Variants in CA10 observed in about 807,000 individuals in gnomAD.
The protein encoded by CA10 is carbonic anhydrase 10 (inactive), also known as carbonic anhydrase-related protein 10.
In CA10, 14 loss-of-function variants were observed where a neutral mutation model predicts 44.2. The ratio of observed to expected loss-of-function variants is 0.32; its 90% CI spans 0.21 to 0.50. The LOEUF (loss-of-function observed/expected upper bound fraction) is 0.50. Ranked by LOEUF, CA10 falls within the 20% of genes least tolerant of loss-of-function variation. The probability of loss-of-function intolerance (pLI) is 0.99; values close to 1 mark genes in which losing one functional copy is unlikely to be tolerated. For missense variants in CA10, 350 were observed against 409.7 expected, an observed-to-expected ratio of 0.85 and a Z score of 1.26; for synonymous variants, 159 against 141.6, an observed-to-expected ratio of 1.12 and a Z score of -0.87.
In CA10 at chr17:51,708,429, C is replaced by T. The variant is rs1278337085; in HGVS notation, c.465+39204G>A. ...GTTGTTTATTAAAACTTTTTGCATC[C>T]TCATGTTGAGGAACTCAAAGTAGAA... On this transcript the variant is annotated intron_variant, in intron 4 of 8. Transcript: ENST00000451037. Among the ~76,000 whole-genome samples, 11 of 152,224 alleles carry T rather than the reference C, an allele frequency of 7.2e-5. No homozygotes were observed. The East Asian group carries it at 2.1e-3, about 29-fold the overall frequency.
intron 2 of CA10, among the ~76,000 whole-genome samples, chr17:51,969,197 G>T (rs530804245): frequency 6.6e-6 from 1 of 151,926 alleles, no homozygotes; most frequent in South Asian, 2.1e-4. Flanking sequence ...CTCCCACCAC[G>T]ATGAACTAAT....
At chr17:52,068,683 G>A (rs543016117) in intron 2 of CA10, among the ~76,000 whole-genome samples, 5 of 152,284 alleles carry the variant, frequency 3.3e-5, no homozygotes, top group African/African-American at 1.2e-4. Flanking sequence ...CACAATAAGT[G>A]GTGAGGCAGT....
At chr17:51,698,996 C>T (rs1458548078) in intron 4 of CA10, among the ~76,000 whole-genome samples, 4 of 152,088 alleles carry the variant, frequency 2.6e-5, no homozygotes, top group Non-Finnish European at 4.4e-5. Flanking sequence ...GCAGTGAACA[C>T]GAGAGTGCCA....
At chr17:51,875,939 A>C (rs996094015) in intron 3 of CA10, among the ~76,000 whole-genome samples, 9 of 152,110 alleles carry the variant, frequency 5.9e-5, no homozygotes, top group Non-Finnish European at 1.2e-4. Context: ...AGTTTCCTTG[A>C]CTTAGCACAA....
intron 4 of CA10, among the ~76,000 whole-genome samples, chr17:51,702,797 G>C (rs1405413388): frequency 6.6e-6 from 1 of 152,160 alleles, no homozygotes; most frequent in East Asian, 1.9e-4. Flanking sequence ...GGTTCTCTCA[G>C]GGATGCCAAA....
At chr17:51,766,672 T>C (rs990111377) in intron 3 of CA10, among the ~76,000 whole-genome samples, 1 of 152,158 alleles carries the variant, frequency 6.6e-6, no homozygotes, top group Non-Finnish European at 1.5e-5. Context: ...ACACCAAAGA[T>C]AAGAAAAAAT....
chr17:51,906,626 C>T (rs2143941828), intron 3 of CA10, among the ~76,000 whole-genome samples: 1 of 152,252 alleles, frequency 6.6e-6, no homozygotes, highest in South Asian at 2.1e-4. Flanking sequence ...GCCCCACTTT[C>T]TTAGTTTCCA....
chr17:51,713,725 T>G (rs1467920106), intron 4 of CA10, among the ~76,000 whole-genome samples: 1 of 152,184 alleles, frequency 6.6e-6, no homozygotes, highest in Non-Finnish European at 1.5e-5. Flanking sequence ...CATATGGCCC[T>G]GGGGGGCACC....
intron 2 of CA10, among the ~76,000 whole-genome samples, chr17:52,028,552 T>C (rs528853939): frequency 1.2e-4 from 18 of 152,194 alleles, no homozygotes; most frequent in Non-Finnish European, 2.4e-4. Context: ...GACAACCATT[T>C]GAGATTTTGG....
intron 1 of CA10, among the ~76,000 whole-genome samples, chr17:52,082,687 A>G (rs543013039): frequency 6.6e-6 from 1 of 152,318 alleles, no homozygotes; most frequent in Non-Finnish European, 1.5e-5. Flanking sequence ...AGTATAAATT[A>G]TTATTTCTCA....
chr17:51,675,471 C>T (rs1298605286), intron 4 of CA10, among the ~76,000 whole-genome samples: 1 of 151,780 alleles, frequency 6.6e-6, no homozygotes, highest in Admixed American at 6.6e-5. Context: ...ATGGCTTGAA[C>T]CCAGGAGGCA....
chr17:52,021,131 G>A (rs1386330130), intron 2 of CA10, among the ~76,000 whole-genome samples: 1 of 151,986 alleles, frequency 6.6e-6, no homozygotes, highest in African/African-American at 2.4e-5. Context: ...TTGAATAAAA[G>A]TTATGGAAGG....
At chr17:51,781,018 C>T (rs541360215) in intron 3 of CA10, among the ~76,000 whole-genome samples, 1 of 152,268 alleles carries the variant, frequency 6.6e-6, no homozygotes, top group South Asian at 2.1e-4. Flanking sequence ...TTTGTTGACA[C>T]TCTCTTCTAA....
chr17:51,676,068 C>T (rs1434073835), intron 4 of CA10, among the ~76,000 whole-genome samples: 1 of 152,192 alleles, frequency 6.6e-6, no homozygotes, highest in East Asian at 1.9e-4. Flanking sequence ...GCTAGTGCTA[C>T]TTAAGTGGAG....
At chr17:52,084,465 A>T (rs1191237331) in intron 1 of CA10, among the ~76,000 whole-genome samples, 3 of 151,866 alleles carry the variant, frequency 2.0e-5, no homozygotes. Flanking sequence ...CCACAAGCCA[A>T]ACTGGAGTTT....
chr17:51,898,192 G>T (rs533585310), intron 3 of CA10, among the ~76,000 whole-genome samples: 16 of 152,162 alleles, frequency 1.1e-4, no homozygotes, highest in Admixed American at 2.6e-4. Context: ...GTACGATGTT[G>T]GCTGTGGGTT....
At chr17:51,776,225 G>A (rs1394290641) in intron 3 of CA10, among the ~76,000 whole-genome samples, 1 of 152,086 alleles carries the variant, frequency 6.6e-6, no homozygotes, top group Non-Finnish European at 1.5e-5. Flanking sequence ...GCTGGGCATA[G>A]TGGTGCATGA....
At chr17:51,674,448 G>A (rs1914543242) in intron 4 of CA10, among the ~76,000 whole-genome samples, 1 of 152,164 alleles carries the variant, frequency 6.6e-6, no homozygotes, top group African/African-American at 2.4e-5. Context: ...GGATAAAGTT[G>A]TCTGAGTTTT....
chr17:51,849,168 T>C (rs1414773471), intron 3 of CA10, among the ~76,000 whole-genome samples: 12 of 102,946 alleles, frequency 1.2e-4, no homozygotes, highest in African/African-American at 4.3e-4. Flanking sequence ...TATATGTATA[T>C]ATATATACAT....
Sources: gnomAD v4.1 joint callset for allele counts (sites outside exome capture counted in the v4.1 genomes callset) on GRCh38, gnomAD v4.1.1 for gene constraint, MANE v1.5 for transcripts, NCBI Gene and HGNC (gene_info 2026-07-23, HGNC 2026-07-21) for gene names.